The following GRHL2 variants were observed in gnomAD, a reference collection of about 807,000 sequenced individuals.
The protein encoded by GRHL2 is grainyhead-like protein 2 homolog.
GRHL2 carries 21 observed loss-of-function variants against 83.8 expected under a neutral mutation model. The ratio of observed to expected loss-of-function variants is 0.25; its 90% confidence interval spans 0.18 to 0.36. The LOEUF is 0.36. Ranked by LOEUF, GRHL2 falls within the 10% of genes least tolerant of loss-of-function variation. GRHL2 has a pLI of 1.00. For synonymous variants in GRHL2, 280 were observed against 278.9 expected, an observed-to-expected ratio of 1.00 and a Z score of -0.04; for missense variants, 623 against 781.8, an observed-to-expected ratio of 0.80 and a Z score of 2.42.
At chr8:101,613,215 C>T (rs1287563710) in intron 8 of GRHL2, among the ~76,000 whole-genome samples, 1 of 150,744 alleles carries the variant, frequency 6.6e-6, no homozygotes, top group Non-Finnish European at 1.5e-5. Flanking sequence ...TGGGGAACTA[C>T]AGTAGAGTAT....
At chr8:101,676,001 G>A in the GRHL2 span, among the ~76,000 whole-genome samples, 23 of 152,142 alleles carry the variant, frequency 1.5e-4, no homozygotes, top group Non-Finnish European at 2.9e-4. Flanking sequence ...AAAACTGGCT[G>A]GCCATATGTA....
intron 1 of GRHL2, among the ~76,000 whole-genome samples, chr8:101,535,771 C>A (rs1384562205): frequency 6.6e-6 from 1 of 152,130 alleles, no homozygotes; most frequent in Admixed American, 6.5e-5. Context: ...AACTCCTGAC[C>A]TCAGGTGATC....
chr8:101,637,935 G>C (rs1457758932), intron 12 of GRHL2, among the ~76,000 whole-genome samples: 1 of 152,062 alleles, frequency 6.6e-6, no homozygotes, highest in Non-Finnish European at 1.5e-5. Context: ...TTCCCTCCAA[G>C]GTATAGTACT....
chr8:101,496,680 G>A (rs1810112809), intron 1 of GRHL2, among the ~76,000 whole-genome samples: 1 of 152,166 alleles, frequency 6.6e-6, no homozygotes, highest in South Asian at 2.1e-4. Context: ...AAACCAGCTG[G>A]AGGGATTGAG....
chr8:101,662,166 C>G (rs891246917), intron 14 of GRHL2, among the ~76,000 whole-genome samples: 3 of 152,206 alleles, frequency 2.0e-5, no homozygotes, highest in African/African-American at 7.2e-5. Flanking sequence ...CTTTTATGTT[C>G]TGTTCGAATT....
intron 4 of GRHL2, among the ~76,000 whole-genome samples, chr8:101,564,479 G>A (rs1044262281): frequency 2.2e-4 from 33 of 152,188 alleles, no homozygotes; most frequent in Non-Finnish European, 2.6e-4. Flanking sequence ...TTTAACTCAG[G>A]CTGGGATTTT....
chr8:101,521,169 G>A (rs1442170583), intron 1 of GRHL2, among the ~76,000 whole-genome samples: 3 of 152,178 alleles, frequency 2.0e-5, no homozygotes, highest in Non-Finnish European at 4.4e-5. Context: ...AGGAAATGTT[G>A]AGCAGAAGCT....
intron 1 of GRHL2, among the ~76,000 whole-genome samples, chr8:101,506,206 A>G (rs997332542): frequency 3.9e-5 from 6 of 152,200 alleles, no homozygotes; most frequent in Admixed American, 2.0e-4. Context: ...CAACTGTTTT[A>G]TGATACAGTT....
At chr8:101,651,625 C>G (rs1455432950) in intron 14 of GRHL2, among the ~76,000 whole-genome samples, 4 of 152,174 alleles carry the variant, frequency 2.6e-5, no homozygotes, top group African/African-American at 9.7e-5. Context: ...AACAGCAGCT[C>G]AGCAACCTCT....
At chr8:101,538,989 G>T (rs1811099264) in intron 1 of GRHL2, among the ~76,000 whole-genome samples, 1 of 152,202 alleles carries the variant, frequency 6.6e-6, no homozygotes, top group Non-Finnish European at 1.5e-5. Context: ...TAGGGGAAAG[G>T]CTGATGGCGC....
intron 14 of GRHL2, among the ~76,000 whole-genome samples, chr8:101,654,549 T>C (rs572271224): frequency 4.0e-4 from 61 of 152,278 alleles, no homozygotes; most frequent in Admixed American, 1.4e-3. Flanking sequence ...AAGTCTGAAC[T>C]GGAGAATAAG....
chr8:101,580,603 A>G (rs563196992), intron 7 of GRHL2, among the ~76,000 whole-genome samples: 1 of 152,252 alleles, frequency 6.6e-6, no homozygotes, highest in East Asian at 1.9e-4. Flanking sequence ...AGAGGGAAGA[A>G]TTTTACGCAA....
At chr8:101,493,557 G>A (rs186841199) in intron 1 of GRHL2, among the ~76,000 whole-genome samples, 1 of 152,170 alleles carries the variant, frequency 6.6e-6, no homozygotes, top group South Asian at 2.1e-4. Flanking sequence ...GGGCCTCGGC[G>A]GGGCGCGAAG....
At chr8:101,596,850 G>A (rs547385452) in intron 7 of GRHL2, among the ~76,000 whole-genome samples, 3 of 152,216 alleles carry the variant, frequency 2.0e-5, no homozygotes, top group Middle Eastern at 3.4e-3. Context: ...GGCCACACAC[G>A]CTTTTATATT....
At chr8:101,516,388 G>C (rs1035912044) in intron 1 of GRHL2, among the ~76,000 whole-genome samples, 1 of 149,960 alleles carries the variant, frequency 6.7e-6, no homozygotes, top group African/African-American at 2.5e-5. Flanking sequence ...CAACTGTACT[G>C]GATTTCTTTT....
intron 7 of GRHL2, among the ~76,000 whole-genome samples, chr8:101,584,591 TAAAAA>T (rs547305514): frequency 1.3e-5 from 2 of 151,324 alleles, no homozygotes; most frequent in South Asian, 4.2e-4. Context: ...TTTAAACTGT[TAAAAA>T]AAAAGAGTTT....
At chr8:101,631,579 C>T in intron 9 of GRHL2, 58 bp from the exon 10 acceptor site, 1 of 1,362,672 alleles carries the variant, frequency 7.3e-7, no homozygotes, top group Non-Finnish European at 1.0e-6. Context: ...TGTGACATGA[C>T]TTTTGCATGC....
At chr8:101,518,166 T>C (rs1046198231) in intron 1 of GRHL2, among the ~76,000 whole-genome samples, 4 of 152,218 alleles carry the variant, frequency 2.6e-5, no homozygotes, top group Non-Finnish European at 5.9e-5. Flanking sequence ...CTAATAATCA[T>C]ATCCTCCACC....
chr8:101,541,721 A>T (rs1001497495), intron 1 of GRHL2, among the ~76,000 whole-genome samples: 30 of 152,150 alleles, frequency 2.0e-4, no homozygotes, highest in African/African-American at 5.6e-4. Context: ...AAACCTCTGC[A>T]GGCTCTGTTA....
Sources: allele counts gnomAD v4.1 joint callset (sites outside exome capture counted in the v4.1 genomes callset), GRCh38; gene constraint gnomAD v4.1.1; transcripts MANE v1.5; gene names NCBI Gene and HGNC (gene_info 2026-07-23, HGNC 2026-07-21).